Variants in ZFHX4 observed in about 807,000 individuals in gnomAD.
ZFHX4 encodes the protein zinc finger homeobox protein 4.
ZFHX4 carries 56 observed loss-of-function variants against 267.6 expected under a neutral mutation model. That is an observed-to-expected ratio of 0.21 (90% CI 0.17 to 0.26). ZFHX4 has a LOEUF of 0.26. Among genes scored for constraint, ZFHX4 ranks in the 10% least tolerant of loss-of-function variants. The pLI, the probability that ZFHX4 is intolerant of heterozygous loss-of-function variation, is 1.00. For missense variants in ZFHX4, 4,332 were observed against 4,420.0 expected, an observed-to-expected ratio of 0.98 and a Z score of 0.56; for synonymous variants, 1,778 against 1,665.6, an observed-to-expected ratio of 1.07 and a Z score of -1.64.
chr8:76,864,494 G>C lies in ZFHX4; in HGVS notation c.10780G>C (p.Val3594Leu), dbSNP rs776970394. The change falls in exon 11 of 11, where the codon GTG becomes CTG. Residue 3594 changes from valine to leucine, a missense_variant. Val to Leu is a conservative substitution (Grantham distance 32). Around this residue, in one of 7 missense-constraint regions of ZFHX4, gnomAD observed 1,648 missense variants for 1,625.0 expected, o/e 1.01. Transcript: ENST00000651372. ...KLEDLDNSLE[V>L]KAKPASGLDG... Reference sequence around the variant, plus strand: ...AGAAGACTTAGATAATTCTTTGGAAGTGAAGGCTAAGCCTGCTTCTGGCCT... The same window carrying C: ...AGAAGACTTAGATAATTCTTTGGAACTGAAGGCTAAGCCTGCTTCTGGCCT... 1 of 1,613,404 alleles carries C rather than the reference G, an allele frequency of 6.2e-7. No individual in the cohort carries two copies. The highest frequency in any genetic ancestry group is 1.3e-5 in the African/African-American group (1 of 74,880).
chr8:76,777,904 TA>T, intron 3 of ZFHX4, among the ~76,000 whole-genome samples: 1 of 150,978 alleles, frequency 6.6e-6, no homozygotes. Flanking sequence ...TTTTCTGAGA[TA>T]ACTAGTTAAC....
At position 76,864,007 on chromosome 8, in the gene ZFHX4, TTTGA is replaced by T; in HGVS notation, c.10298_10301del (p.Ile3433ThrfsTer47). On this transcript the variant is annotated frameshift_variant, in exon 11 of 11. Transcript: ENST00000651372. LOFTEE classifies it high-confidence loss of function. The stretch of plus-strand genomic sequence containing the variant: ...AGTCCTTCTGTTATTTCGGTCAGCC[TTTGA>T]TTGACCCACAAGAGACAGTGCTTCG... 6.2e-7 allele frequency: 1 copy of T among 1,613,820 alleles called. No homozygotes were observed. Among genetic ancestry groups the T allele is most frequent in the Non-Finnish European group, 8.5e-7 (1 of 1,179,822 alleles).
At chr8:76,772,052 T>C (rs758328469) in intron 3 of ZFHX4, among the ~76,000 whole-genome samples, 3 of 152,076 alleles carry the variant, frequency 2.0e-5, no homozygotes, top group Non-Finnish European at 4.4e-5. Context: ...AGCTGCTAAT[T>C]TCTGTGTGTC....
intron 3 of ZFHX4, among the ~76,000 whole-genome samples, chr8:76,753,756 C>T (rs1809687708): frequency 6.6e-6 from 1 of 151,008 alleles, no homozygotes; most frequent in South Asian, 2.1e-4. Flanking sequence ...TCCTGAGTAG[C>T]TAGGACTAGA....
At chr8:76,739,655 G>T (rs1809263983) in intron 3 of ZFHX4, among the ~76,000 whole-genome samples, 1 of 152,064 alleles carries the variant, frequency 6.6e-6, no homozygotes, top group Admixed American at 6.6e-5. Context: ...AGCAGGGAGG[G>T]ATAATAAAAG....
chr8:76,834,086 T>A, intron 5 of ZFHX4: 1 of 427,490 alleles, frequency 2.3e-6, no homozygotes, highest in South Asian at 1.7e-5. Flanking sequence ...TAGTGCTGAA[T>A]AATATATATA....
chr8:76,855,517 T>C lies in ZFHX4; in HGVS notation c.8596T>C (p.Phe2866Leu). 1.9e-6 allele frequency: 3 copies of C among 1,613,848 alleles called. No homozygotes were observed. The highest frequency in any genetic ancestry group is 2.2e-5 in the South Asian group (2 of 91,080). ...GGAGGTCTGCGATGACAAATTTCTC[T>C]TTTCTCTCACAAGCCCATCCATCCA... ...TTEVCDDKFL[F>L]SLTSPSIHFN... The change falls in exon 10 of 11, where the codon TTT becomes CTT. Residue 2866 changes from phenylalanine (F) to leucine (L), a missense_variant. Physicochemically the swap from Phe to Leu is conservative, Grantham distance 22. Around this residue, in one of 7 missense-constraint regions of ZFHX4, gnomAD observed 1,648 missense variants for 1,625.0 expected, o/e 1.01. Coordinates refer to ENST00000651372, the MANE Select transcript of ZFHX4 (RefSeq NM_024721.5).
At chr8:76,802,770 G>T (rs1585961296) in intron 4 of ZFHX4, among the ~76,000 whole-genome samples, 1 of 152,106 alleles carries the variant, frequency 6.6e-6, no homozygotes, top group Non-Finnish European at 1.5e-5. Context: ...TTAGGCCTCA[G>T]AATTATTTTT....
At position 76,849,108 on chromosome 8, in the gene ZFHX4, A is replaced by G; in HGVS notation, c.3625A>G (p.Asn1209Asp). Residue 1209 changes from asparagine (N) to aspartate (D), a missense_variant, in exon 7 of 11, where the codon AAT (asparagine) becomes GAT (aspartate). Physicochemically the swap from Asn to Asp is conservative, Grantham distance 23 (BLOSUM62 1). Coordinates refer to ENST00000651372, the MANE Select transcript of ZFHX4 (RefSeq NM_024721.5). ...ATKRSKPTEDNKFCHEQFYQC... is the reference protein window; with the variant it reads ...ATKRSKPTEDDKFCHEQFYQC... ...AAAAAGGTCAAAACCTACAGAGGAC[A>G]ATAAATTCTGTCATGAACAGGTAAA... 1.3e-6 allele frequency: 2 copies of G among 1,560,504 alleles called. No homozygotes were observed. Among genetic ancestry groups the G allele is most frequent in the Non-Finnish European group, 1.7e-6 (2 of 1,152,322 alleles).
chr8:76,839,788 C>T, intron 5 of ZFHX4, among the ~76,000 whole-genome samples: 1 of 152,132 alleles, frequency 6.6e-6, no homozygotes, highest in Non-Finnish European at 1.5e-5. Context: ...ATTTCCCTTA[C>T]ATTTCATAGT....
At chr8:76,743,475 T>G (rs1157029764) in intron 3 of ZFHX4, among the ~76,000 whole-genome samples, 1 of 152,180 alleles carries the variant, frequency 6.6e-6, no homozygotes, top group Non-Finnish European at 1.5e-5. Flanking sequence ...TGGGGACACA[T>G]GAAATTCAAT....
At chr8:76,784,212 G>GTTTTATTTTATTTTA (rs141649405) in intron 4 of ZFHX4, among the ~76,000 whole-genome samples, 4 of 150,926 alleles carry the variant, frequency 2.7e-5, no homozygotes, top group Non-Finnish European at 5.9e-5. Context: ...GGGGGTTAAA[G>GTTTTATTTTATTTTA]TTTTATTTTA....
chr8:76,687,832 G>A (rs553681081), intron 1 of ZFHX4, among the ~76,000 whole-genome samples: 1 of 152,200 alleles, frequency 6.6e-6, no homozygotes, highest in African/African-American at 2.4e-5. Flanking sequence ...TGAAAGCATC[G>A]GAAAAGGATT....
chr8:76,721,065 A>G (rs73347338), intron 3 of ZFHX4, among the ~76,000 whole-genome samples: 6,182 of 152,158 alleles, frequency 0.041, 289 homozygotes, highest in East Asian at 0.24. Flanking sequence ...TACAGGTGCA[A>G]CTGTAATAGT....
At chr8:76,765,708 A>G (rs1293909013) in intron 3 of ZFHX4, among the ~76,000 whole-genome samples, 1 of 152,144 alleles carries the variant, frequency 6.6e-6, no homozygotes, top group Non-Finnish European at 1.5e-5. Flanking sequence ...AACAGAACAG[A>G]TTATTTCCTG....
At chr8:76,788,358 A>G (rs1401287601) in intron 4 of ZFHX4, among the ~76,000 whole-genome samples, 2 of 152,340 alleles carry the variant, frequency 1.3e-5, no homozygotes, top group East Asian at 3.9e-4. Context: ...ACTGCTATAC[A>G]TCCCTCATCA....
In ZFHX4 at chr8:76,854,310, C is replaced by T. The variant is rs776525093; in HGVS notation, c.7389C>T (p.Pro2463=). The change falls in exon 10 of 11, where the codon CCC becomes CCT. Residue 2463 remains proline (P), a synonymous_variant. Transcript: ENST00000651372. ...PKQPQLIGRP[P]SASQTPVPSS... is the part of the protein sequence containing the mutation. ...AACCCCAACTTATCGGAAGACCTCC[C>T]TCGGCCTCTCAAACACCGGTCCCTT... The T allele has an allele frequency of 7.4e-6, 12 of 1,612,476 alleles. No homozygotes were observed. The highest frequency in any genetic ancestry group is 2.7e-5 in the African/African-American group (2 of 74,998).
intron 5 of ZFHX4, among the ~76,000 whole-genome samples, chr8:76,835,231 A>ATATGTATATATATGTATATATATATATG (rs1554572162): frequency 8.0e-6 from 1 of 124,790 alleles, no homozygotes; most frequent in African/African-American, 3.4e-5. Flanking sequence ...ATATATATAT[A>ATATGTATATATATGTATATATATATATG]TATATATATG....
intron 6 of ZFHX4, among the ~76,000 whole-genome samples, chr8:76,843,776 C>CA (rs1812297717): frequency 6.6e-6 from 1 of 152,034 alleles, no homozygotes; most frequent in Non-Finnish European, 1.5e-5. Flanking sequence ...TTGGGTTGTG[C>CA]AAAAAATATC....
Sources: gnomAD v4.1 joint callset for allele counts (sites outside exome capture counted in the v4.1 genomes callset) on GRCh38, gnomAD v4.1.1 for gene constraint, gnomAD v4.1.1 regional missense constraint, MANE v1.5 for transcripts, NCBI Gene and HGNC (gene_info 2026-07-23, HGNC 2026-07-21) for gene names.